Variants in GRM8 observed in about 807,000 individuals in gnomAD.
GRM8 encodes the protein metabotropic glutamate receptor 8.
In GRM8, 47 loss-of-function variants were observed where a neutral mutation model predicts 87.2. The observed-to-expected ratio is 0.54, with a 90% CI of 0.43 to 0.69. The LOEUF is 0.69. GRM8 is among the 30% of genes least tolerant of loss of function. GRM8 has a pLI of 0.00. For missense variants in GRM8, 1,019 were observed against 1,139.2 expected, an observed-to-expected ratio of 0.89 and a Z score of 1.52; for synonymous variants, 396 against 404.5, an observed-to-expected ratio of 0.98 and a Z score of 0.25.
At chr7:126,866,250 C>T (rs1798578633) in intron 6 of GRM8, among the ~76,000 whole-genome samples, 1 of 152,010 alleles carries the variant, frequency 6.6e-6, no homozygotes, top group African/African-American at 2.4e-5. Flanking sequence ...TGTTCAAATC[C>T]TTTATCCATT....
chr7:127,091,437 C>A (rs568292138), intron 3 of GRM8, among the ~76,000 whole-genome samples: 2 of 97,878 alleles, frequency 2.0e-5, no homozygotes, highest in Non-Finnish European at 4.1e-5. Context: ...GTCATCCCCC[C>A]ACCACCATCC....
chr7:126,538,671 G>A (rs954423716), intron 8 of GRM8, among the ~76,000 whole-genome samples: 9 of 151,744 alleles, frequency 5.9e-5, no homozygotes, highest in East Asian at 1.9e-4. Context: ...TTGACACCTC[G>A]ATATTCAAAA....
chr7:126,832,694 T>C (rs1214935540), intron 6 of GRM8, among the ~76,000 whole-genome samples: 2 of 152,182 alleles, frequency 1.3e-5, no homozygotes, highest in South Asian at 2.1e-4. Flanking sequence ...CTAAACCACA[T>C]GACTATCCTT....
chr7:126,467,841 A>C (rs1029571340), intron 9 of GRM8, among the ~76,000 whole-genome samples: 17 of 152,186 alleles, frequency 1.1e-4, no homozygotes, highest in African/African-American at 4.1e-4. Flanking sequence ...AACATGTCAA[A>C]GAATGAGGTC....
rs577770817 is a variant in GRM8 at position 126,539,705 on chromosome 7, AT to A, written c.1495-5819del. 2.1e-3 allele frequency among the ~76,000 whole-genome samples: 320 copies of A among 150,568 alleles called. 1 individual carries two copies. Among genetic ancestry groups the A allele is most frequent in the African/African-American group, 6.9e-3 (281 of 41,016 alleles). On this transcript the variant is annotated intron_variant, in intron 8 of 10. Coordinates refer to ENST00000339582, the MANE Select transcript of GRM8 (RefSeq NM_000845.3). ...AGATACAAAGAAAATTCAATAAAGA[AT>A]TTTTTTTTTCAAAAAATGATGCCAA...
intron 2 of GRM8, among the ~76,000 whole-genome samples, chr7:127,136,296 C>T (rs1032632562): frequency 2.6e-5 from 4 of 152,046 alleles, no homozygotes; most frequent in African/African-American, 4.8e-5. Context: ...CAATACACTG[C>T]GAATAGTCTA....
intron 8 of GRM8, among the ~76,000 whole-genome samples, chr7:126,577,509 G>A (rs1421133569): frequency 6.6e-6 from 1 of 151,492 alleles, no homozygotes; most frequent in Admixed American, 6.6e-5. Context: ...AATTTCCAAA[G>A]TGTAAAACAC....
At chr7:126,640,957 A>C (rs1802320201) in intron 7 of GRM8, among the ~76,000 whole-genome samples, 1 of 152,084 alleles carries the variant, frequency 6.6e-6, no homozygotes, top group Non-Finnish European at 1.5e-5. Flanking sequence ...TCTAACCAAG[A>C]GGGTGTTTAA....
rs527266559 is a variant in GRM8, at chr7:126,824,301, CA to C, written c.1157-54237del. Among the ~76,000 whole-genome samples the C allele has an allele frequency of 2.3e-3, 347 of 151,726 alleles. 1 individual carries two copies. The highest frequency in any genetic ancestry group is 7.7e-3 in the African/African-American group (320 of 41,348). ...CAATTACTCCCTTAGCATTGTGTCA[CA>C]AAAAAAGTATATATTTTTATGTATG... On this transcript the variant is annotated intron_variant, in intron 6 of 10. Coordinates refer to ENST00000339582, the MANE Select transcript of GRM8 (RefSeq NM_000845.3).
chr7:127,178,218 T>C (rs1794228613), intron 2 of GRM8, among the ~76,000 whole-genome samples: 1 of 152,100 alleles, frequency 6.6e-6, no homozygotes. Context: ...CTGGAAAGTC[T>C]CAGCAATATA....
At chr7:126,967,151 T>C (rs775195175) in intron 3 of GRM8, among the ~76,000 whole-genome samples, 11 of 107,634 alleles carry the variant, frequency 1.0e-4, no homozygotes, top group Non-Finnish European at 1.9e-4. Flanking sequence ...CTGCCTTGTT[T>C]ACTCTGTGTG....
intron 7 of GRM8, among the ~76,000 whole-genome samples, chr7:126,673,190 G>C (rs778985232): frequency 1.3e-5 from 2 of 152,088 alleles, no homozygotes; most frequent in Non-Finnish European, 2.9e-5. Flanking sequence ...CTGGCCTTGT[G>C]AGAGTCCCTG....
At chr7:126,528,540 C>T (rs2150831138) in intron 9 of GRM8, among the ~76,000 whole-genome samples, 1 of 151,964 alleles carries the variant, frequency 6.6e-6, no homozygotes, top group Middle Eastern at 3.4e-3. Context: ...TTCATGACTC[C>T]TGTCATCTAA....
intron 7 of GRM8, among the ~76,000 whole-genome samples, chr7:126,709,409 AAAG>A (rs1043261476): frequency 3.3e-5 from 5 of 152,050 alleles, no homozygotes; most frequent in Non-Finnish European, 5.9e-5. Context: ...GAAAAAAGAA[AAAG>A]AAGAAAAAGA....
chr7:127,124,791 T>A (rs557679506), intron 2 of GRM8, among the ~76,000 whole-genome samples: 91 of 152,182 alleles, frequency 6.0e-4, no homozygotes, highest in Non-Finnish European at 1.0e-3. Flanking sequence ...CCCTACCCTT[T>A]AACAAAATAT....
In GRM8 at chr7:127,175,309, C is replaced by T. The variant is rs1794038604; in HGVS notation, c.510+67386G>A. 2.0e-5 allele frequency among the ~76,000 whole-genome samples: 3 copies of T among 151,906 alleles called. No individual in the cohort carries two copies. The South Asian group carries it at 6.2e-4, about 32-fold the overall frequency. ...GAGCTTGAAGATATGTCAATATAAA[C>T]TTCAAGAACTAAAATGCAAAAAGAA... On this transcript the variant is annotated intron_variant, in intron 2 of 10. Coordinates refer to ENST00000339582, the MANE Select transcript of GRM8 (RefSeq NM_000845.3).
chr7:126,607,751 GGTTA>G (rs1046596729), intron 8 of GRM8, among the ~76,000 whole-genome samples: 7 of 151,782 alleles, frequency 4.6e-5, no homozygotes, highest in African/African-American at 1.7e-4. Context: ...ACAATGTGAA[GGTTA>G]GTTACATATG....
At chr7:126,830,026 T>A (rs1278293967) in intron 6 of GRM8, among the ~76,000 whole-genome samples, 1 of 152,216 alleles carries the variant, frequency 6.6e-6, no homozygotes, top group Non-Finnish European at 1.5e-5. Flanking sequence ...TGTTGAATAT[T>A]GGCCCCCACT....
At chr7:126,539,613 G>A (rs1816303239) in intron 8 of GRM8, among the ~76,000 whole-genome samples, 1 of 152,018 alleles carries the variant, frequency 6.6e-6, no homozygotes, top group Non-Finnish European at 1.5e-5. Context: ...GCATAGACTA[G>A]AGAGTCCAGA....
Sources: gnomAD v4.1 joint callset for allele counts (sites outside exome capture counted in the v4.1 genomes callset) on GRCh38, gnomAD v4.1.1 for gene constraint, MANE v1.5 for transcripts, NCBI Gene and HGNC (gene_info 2026-07-23, HGNC 2026-07-21) for gene names.